The following NACC2 variants were observed in gnomAD, a reference collection of about 807,000 sequenced individuals.
The protein encoded by NACC2 is nucleus accumbens-associated protein 2.
Under a neutral mutation model 25.1 loss-of-function variants are expected in NACC2, and 8 were observed. The observed-to-expected ratio is 0.32, with a 90% CI of 0.19 to 0.57. The LOEUF (loss-of-function observed/expected upper bound fraction) is 0.57, where lower values mean the gene tolerates loss of function less well. Among genes scored for constraint, NACC2 ranks in the 20% least tolerant of loss-of-function variants. The pLI, the probability that NACC2 is intolerant of heterozygous loss-of-function variation, is 0.89. For synonymous variants in NACC2, 435 were observed against 294.7 expected, an observed-to-expected ratio of 1.48 and a Z score of -4.88; for missense variants, 644 against 650.2, an observed-to-expected ratio of 0.99 and a Z score of 0.10.
At chr9:136,025,809 G>C (rs1840378221) in intron 2 of NACC2, among the ~76,000 whole-genome samples, 1 of 152,094 alleles carries the variant, frequency 6.6e-6, no homozygotes, top group Non-Finnish European at 1.5e-5. Context: ...CGGCTACTCA[G>C]GAAGTGGAGG....
chr9:136,058,687 G>A (rs1281155493), intron 1 of NACC2, among the ~76,000 whole-genome samples: 2 of 152,190 alleles, frequency 1.3e-5, no homozygotes, highest in Admixed American at 6.5e-5. Flanking sequence ...ATCGCACCAT[G>A]CACCCAGGTG....
intron 1 of NACC2, among the ~76,000 whole-genome samples, chr9:136,052,396 G>A (rs1164471971): frequency 4.6e-5 from 7 of 151,568 alleles, no homozygotes; most frequent in African/African-American, 1.7e-4. Context: ...AGCTGGCAGA[G>A]CTGAACTCCT....
intron 2 of NACC2, among the ~76,000 whole-genome samples, chr9:136,044,328 AATAT>A (rs1268953694): frequency 6.6e-6 from 1 of 152,142 alleles, no homozygotes. Context: ...CCACCTGGAC[AATAT>A]AGCGAGACCC....
intron 1 of NACC2, among the ~76,000 whole-genome samples, chr9:136,063,790 G>C (rs552189240): frequency 3.0e-4 from 46 of 151,806 alleles, no homozygotes; most frequent in African/African-American, 1.1e-3. Context: ...GGCTGAGGTA[G>C]GAGAATCACT....
In NACC2 at chr9:136,011,926, G is replaced by A; in HGVS notation, c.1354C>T (p.Leu452=). Residue 452 remains leucine (L), a synonymous_variant, in exon 6 of 6, where the codon CTG becomes TTG. Transcript: ENST00000277554. ...GGCAGCATGGACTTGATCTTGGGCA[G>A]CCAGCGCTTGCGAACGCGGCGGGCG... ...TNARRVRKRW[L]PKIKSMLPEG... The A allele has an allele frequency of 6.3e-7, 1 of 1,598,672 alleles. No homozygotes were observed.
chr9:136,027,514 G>C (rs1481784997), intron 2 of NACC2, among the ~76,000 whole-genome samples: 1 of 152,162 alleles, frequency 6.6e-6, no homozygotes, highest in Non-Finnish European at 1.5e-5. Flanking sequence ...ACTAGGCTGA[G>C]TGCATTCTAT....
intron 1 of NACC2, among the ~76,000 whole-genome samples, chr9:136,069,719 T>C (rs1841128519): frequency 6.6e-6 from 1 of 151,870 alleles, no homozygotes; most frequent in Non-Finnish European, 1.5e-5. Flanking sequence ...AATAAAATTA[T>C]CAGAGATAGA....
intron 1 of NACC2, among the ~76,000 whole-genome samples, chr9:136,050,919 AG>A (rs1840822811): frequency 6.6e-6 from 1 of 151,958 alleles, no homozygotes; most frequent in African/African-American, 2.4e-5. Flanking sequence ...CCGGGACAGG[AG>A]GTGGGGGCCG....
At chr9:136,043,504 T>A (rs1260868770) in intron 2 of NACC2, among the ~76,000 whole-genome samples, 1 of 152,250 alleles carries the variant, frequency 6.6e-6, no homozygotes, top group Admixed American at 6.5e-5. Flanking sequence ...TCTCACGGGC[T>A]GCTGGTGGGA....
intron 2 of NACC2, among the ~76,000 whole-genome samples, chr9:136,049,048 G>C (rs1294982367): frequency 6.6e-6 from 1 of 152,228 alleles, no homozygotes. Context: ...ACAGTCTCCA[G>C]AGGCTGTAAC....
chr9:136,016,138 A>T, intron 3 of NACC2, 127 bp downstream of exon 3: 2 of 1,004,186 alleles, frequency 2.0e-6, no homozygotes, highest in Non-Finnish European at 2.9e-6. Context: ...AAAGGAAATT[A>T]GAGGAAATTT....
chr9:136,053,834 C>T (rs989864542), intron 1 of NACC2, among the ~76,000 whole-genome samples: 16 of 152,230 alleles, frequency 1.1e-4, no homozygotes, highest in South Asian at 2.1e-4. Context: ...CACGGCGCAC[C>T]GGTTCCTGGG....
At chr9:136,074,033 C>T (rs1830228913) in intron 1 of NACC2, among the ~76,000 whole-genome samples, 1 of 152,116 alleles carries the variant, frequency 6.6e-6, no homozygotes, top group South Asian at 2.1e-4. Flanking sequence ...TGGCCGGGCA[C>T]AGTGGCTCAT....
intron 2 of NACC2, 142 bp from the exon 3 acceptor site, chr9:136,016,571 C>A: frequency 1.1e-6 from 1 of 949,210 alleles, no homozygotes; most frequent in Non-Finnish European, 1.6e-6. Context: ...CACTCTGTGC[C>A]GCTCTCCTGC....
intron 1 of NACC2, among the ~76,000 whole-genome samples, chr9:136,051,965 C>T (rs1333514577): frequency 3.3e-5 from 5 of 151,698 alleles, no homozygotes; most frequent in African/African-American, 1.2e-4. Flanking sequence ...GCTGGGCTCG[C>T]GGCCGCAGCT....
At chr9:136,090,665 A>G (rs1198384662) in intron 1 of NACC2, among the ~76,000 whole-genome samples, 1 of 152,190 alleles carries the variant, frequency 6.6e-6, no homozygotes, top group Non-Finnish European at 1.5e-5. Flanking sequence ...AATGTCCTCA[A>G]GCCTGACTAT....
intron 1 of NACC2, among the ~76,000 whole-genome samples, chr9:136,085,141 T>A (rs1486936506): frequency 8.8e-6 from 1 of 114,092 alleles, no homozygotes; most frequent in African/African-American, 3.3e-5. Context: ...TCTACAATTT[T>A]TTTTTTTTTT....
At chr9:136,021,065 G>T (rs529486294) in intron 2 of NACC2, among the ~76,000 whole-genome samples, 1 of 152,150 alleles carries the variant, frequency 6.6e-6, no homozygotes, top group Non-Finnish European at 1.5e-5. Context: ...AAAAACTTCC[G>T]ATCTCTGAAT....
chr9:136,035,657 C>A (rs958419525), intron 2 of NACC2, among the ~76,000 whole-genome samples: 8 of 151,738 alleles, frequency 5.3e-5, no homozygotes, highest in Admixed American at 4.6e-4. Flanking sequence ...TGAGATAACA[C>A]TTCTTGAATT....
Sources: gnomAD v4.1 joint callset for allele counts (sites outside exome capture counted in the v4.1 genomes callset) on GRCh38, gnomAD v4.1.1 for gene constraint, MANE v1.5 for transcripts, NCBI Gene and HGNC (gene_info 2026-07-23, HGNC 2026-07-21) for gene names.